Variants in RPS6KC1 observed in about 807,000 individuals in gnomAD.
RPS6KC1 encodes inactive ribosomal protein S6 kinase delta-1.
RPS6KC1 carries 54 observed loss-of-function variants against 103.8 expected under a neutral mutation model. That is an observed-to-expected ratio of 0.52 (90% CI 0.42 to 0.65). The LOEUF is 0.65. RPS6KC1 is among the 30% of genes least tolerant of loss of function. RPS6KC1 has a pLI of 0.00. For synonymous variants in RPS6KC1, 439 were observed against 438.7 expected (o/e 1.00, Z -0.01); for missense variants, 1,151 against 1,253.8 (o/e 0.92, Z 1.24).
the RPS6KC1 span, among the ~76,000 whole-genome samples, chr1:213,539,556 A>T: frequency 6.6e-6 from 1 of 152,246 alleles, no homozygotes; most frequent in Non-Finnish European, 1.5e-5. Context: ...TGGGAGGCAG[A>T]TGCACATTGG....
chr1:213,183,574 G>C (rs1185700759), intron 8 of RPS6KC1, among the ~76,000 whole-genome samples: 1 of 107,830 alleles, frequency 9.3e-6, no homozygotes, highest in African/African-American at 2.6e-5. Context: ...AATCTCAAAG[G>C]GTATTAAAAA....
the RPS6KC1 span, among the ~76,000 whole-genome samples, chr1:213,587,315 C>G: frequency 6.6e-6 from 1 of 152,270 alleles, no homozygotes. Flanking sequence ...CAGGGCAGCC[C>G]TATATTTCTG....
At chr1:213,287,339 A>G in the RPS6KC1 span, among the ~76,000 whole-genome samples, 2 of 151,964 alleles carry the variant, frequency 1.3e-5, no homozygotes, top group Non-Finnish European at 2.9e-5. Context: ...ACCAGACGTC[A>G]TTTCTACAGG....
At chr1:213,447,026 G>A in the RPS6KC1 span, among the ~76,000 whole-genome samples, 2 of 152,070 alleles carry the variant, frequency 1.3e-5, no homozygotes, top group African/African-American at 4.8e-5. Flanking sequence ...AAAGTCCTTT[G>A]AAGCATGGCT....
chr1:213,306,728 A>G, the RPS6KC1 span, among the ~76,000 whole-genome samples: 12 of 152,234 alleles, frequency 7.9e-5, no homozygotes, highest in Non-Finnish European at 1.3e-4. Flanking sequence ...GAAGGACTCT[A>G]CAGCAGCACC....
rs1572546487 is a variant in RPS6KC1, at chr1:213,104,347, C to T, written c.263-107C>T. The T allele has an allele frequency of 1.1e-5, 7 of 638,370 alleles. No individual in the cohort carries two copies. In the East Asian group the frequency reaches 2.0e-4, roughly 19 times the overall value. 39.5% of individuals were successfully genotyped at this position (638,370 alleles called of 1,614,324 possible). A position where few individuals can be genotyped will look rare whatever the true frequency, so the allele number is the denominator to read the frequency against. On this transcript the variant is annotated intron_variant, in intron 3 of 14. Transcript: ENST00000366960. ...TCAGAAGTTTGCATAATAAGCAAAG[C>T]AACTAAGTGATAGGCCTGCTGCTGC...
chr1:213,058,445 G>GT (rs199643857), intron 1 of RPS6KC1, among the ~76,000 whole-genome samples: 6 of 143,102 alleles, frequency 4.2e-5, no homozygotes, highest in African/African-American at 1.5e-4. Context: ...TTTTTTTTTT[G>GT]TTTTTTGTTT....
At chr1:213,692,397 A>AT in the RPS6KC1 span, among the ~76,000 whole-genome samples, 18 of 151,930 alleles carry the variant, frequency 1.2e-4, 1 homozygote, top group African/African-American at 2.4e-4. Flanking sequence ...TCAAAAAAAA[A>AT]AAAAAATAAA....
At chr1:213,062,765 C>CTCTACACA (rs1173821762) in intron 1 of RPS6KC1, among the ~76,000 whole-genome samples, 3 of 152,124 alleles carry the variant, frequency 2.0e-5, no homozygotes, top group African/African-American at 7.2e-5. Flanking sequence ...CCATGTTGGC[C>CTCTACACA]AGGATGGTCT....
chr1:213,343,767 T>C, the RPS6KC1 span, among the ~76,000 whole-genome samples: 2 of 151,676 alleles, frequency 1.3e-5, 1 homozygote, highest in Non-Finnish European at 2.9e-5. Context: ...TGTAACCAAA[T>C]ACTACCTGTT....
chr1:213,148,916 A>G (rs1462696676), intron 6 of RPS6KC1, among the ~76,000 whole-genome samples: 2 of 152,102 alleles, frequency 1.3e-5, no homozygotes, highest in Admixed American at 6.6e-5. Context: ...GGTTGTATAT[A>G]AGTAGGAACT....
chr1:213,445,449 T>C, the RPS6KC1 span, among the ~76,000 whole-genome samples: 1 of 152,210 alleles, frequency 6.6e-6, no homozygotes, highest in Non-Finnish European at 1.5e-5. Context: ...CAATACTGTG[T>C]ATGTTTTTCT....
the RPS6KC1 span, among the ~76,000 whole-genome samples, chr1:213,563,925 C>T: frequency 1.3e-4 from 19 of 146,470 alleles, no homozygotes; most frequent in Middle Eastern, 3.6e-3. Context: ...AATTTATTTG[C>T]TTACCATTTA....
the RPS6KC1 span, among the ~76,000 whole-genome samples, chr1:213,569,931 T>C: frequency 6.6e-6 from 1 of 152,186 alleles, no homozygotes; most frequent in Admixed American, 6.5e-5. Flanking sequence ...CCATAGGAAG[T>C]TAATTGAAGT....
At chr1:213,406,115 C>G in the RPS6KC1 span, among the ~76,000 whole-genome samples, 1 of 152,128 alleles carries the variant, frequency 6.6e-6, no homozygotes, top group Non-Finnish European at 1.5e-5. Flanking sequence ...ATGGAGGGGC[C>G]AGTGACCCGG....
the RPS6KC1 span, among the ~76,000 whole-genome samples, chr1:213,823,608 C>G: frequency 6.6e-6 from 1 of 152,040 alleles, no homozygotes; most frequent in Admixed American, 6.6e-5. Context: ...CTCCTCTTCC[C>G]AACAGAATGG....
chr1:213,473,505 A>T, the RPS6KC1 span, among the ~76,000 whole-genome samples: 494 of 152,186 alleles, frequency 3.2e-3, 4 homozygotes, highest in African/African-American at 0.011. Flanking sequence ...CATAGCAGTG[A>T]CTCTCTGCTG....
chr1:213,729,541 A>G, the RPS6KC1 span, among the ~76,000 whole-genome samples: 2 of 152,064 alleles, frequency 1.3e-5, no homozygotes, highest in South Asian at 4.2e-4. Flanking sequence ...TGTTACCATT[A>G]AAGGATCGGG....
the RPS6KC1 span, among the ~76,000 whole-genome samples, chr1:213,718,848 G>T: frequency 6.6e-6 from 1 of 152,214 alleles, no homozygotes; most frequent in Non-Finnish European, 1.5e-5. Context: ...TCTGGGGTGG[G>T]ACCTGAGATT....
Sources: gnomAD v4.1 joint callset for allele counts (sites outside exome capture counted in the v4.1 genomes callset) on GRCh38, gnomAD v4.1.1 for gene constraint, MANE v1.5 for transcripts, NCBI Gene and HGNC (gene_info 2026-07-23, HGNC 2026-07-21) for gene names.